Variants in CA12 observed in about 807,000 individuals in gnomAD.
CA12 encodes the protein carbonate dehydratase XII.
A neutral mutation model predicts 46.8 loss-of-function variants in CA12; 36 were observed. That is an observed-to-expected ratio of 0.77 (90% CI 0.59 to 1.02). CA12 has a LOEUF of 1.02. CA12 is among the 50% of genes least tolerant of loss of function. The probability of loss-of-function intolerance (pLI) is 0.00; values close to 1 mark genes in which losing one functional copy is unlikely to be tolerated. For missense variants in CA12, 436 were observed against 451.4 expected (o/e 0.97, Z 0.31); for synonymous variants, 202 against 187.0 (o/e 1.08, Z -0.65).
rs531371594 is a variant in CA12, at chr15:63,359,469, C to A, written c.107-12760G>T. Among the ~76,000 whole-genome samples, 8 of 152,176 alleles carry A rather than the reference C, an allele frequency of 5.3e-5. No individual in the cohort carries two copies. In the East Asian group the frequency reaches 1.5e-3, roughly 29 times the overall value. ...TTTTGCACACTTGCTTTCTCTCACA[C>A]CCTCTACTGTGTATATGTACCTTAA... On this transcript the variant is annotated intron_variant, in intron 2 of 10. Coordinates refer to ENST00000178638, the MANE Select transcript of CA12 (RefSeq NM_001218.5).
rs186287611 is a variant in CA12 at position 63,345,982 on chromosome 15, G to A, written c.287-363C>T. On this transcript the variant is annotated intron_variant, in intron 3 of 10. Coordinates refer to ENST00000178638, the MANE Select transcript of CA12 (RefSeq NM_001218.5). This position sits in a 1 kb window ranked among gnomAD's most constrained non-coding sequence, Gnocchi z 4.3. ...CAAGCTTTAGAATTATATAGCAACA[G>A]CAACGATAACTGCTATTTATGAAGC... Among the ~76,000 whole-genome samples the A allele has an allele frequency of 6.6e-6, 1 of 152,280 alleles. No homozygotes were observed. The highest frequency in any genetic ancestry group is 1.9e-4 in the East Asian group (1 of 5,188).
Position 63,381,642 on chromosome 15 carries a change from C to T in CA12, c.79G>A (p.Val27Met), listed in dbSNP as rs1363750287. 4 of 1,611,136 alleles carry T rather than the reference C, an allele frequency of 2.5e-6. No homozygotes were observed. The highest frequency in any genetic ancestry group is 2.2e-5 in the East Asian group (1 of 44,784). Residue 27 changes from valine to methionine, a missense_variant, in exon 1 of 11, where the codon GTG (valine) becomes ATG (methionine). Coordinates refer to ENST00000178638, the MANE Select transcript of CA12 (RefSeq NM_001218.5). Reference sequence around the variant, plus strand: ...AAGCAGGCGGAAACTTTACCGTTCACTGGGGCCGGGCTGGAAGGCTGTTCC... The same window carrying T: ...AAGCAGGCGGAAACTTTACCGTTCATTGGGGCCGGGCTGGAAGGCTGTTCC... Reference protein sequence around the residue: ...LKEQPSSPAPVNGSKWTYFGP... With the variant: ...LKEQPSSPAPMNGSKWTYFGP...
intron 2 of CA12, among the ~76,000 whole-genome samples, chr15:63,364,964 G>C (rs2039419914): frequency 6.6e-6 from 1 of 152,194 alleles, no homozygotes; most frequent in South Asian, 2.1e-4. Flanking sequence ...GTTTGTTTGT[G>C]TTGCGACAGG....
At position 63,341,363 on chromosome 15, in the gene CA12, C is replaced by T. The variant is rs942667526; in HGVS notation, c.526-580G>A. On this transcript the variant is annotated intron_variant, in intron 5 of 10. Transcript: ENST00000178638. The surrounding 1 kb of genome is among the most constrained non-coding windows in gnomAD (Gnocchi z 5.2). ...AGCAGCGGGCAAGCAAGCATTACAG[C>T]CTGAGCTCCGCCCCCTGTCAAATCA... is the stretch of plus-strand genomic sequence containing the variant. Among the ~76,000 whole-genome samples, 3 of 152,226 alleles carry T rather than the reference C, an allele frequency of 2.0e-5. No homozygotes were observed. The highest frequency in any genetic ancestry group is 4.4e-5 in the Non-Finnish European group (3 of 68,040).
intron 1 of CA12, among the ~76,000 whole-genome samples, chr15:63,380,051 G>A (rs1316648326): frequency 1.3e-5 from 2 of 152,212 alleles, no homozygotes; most frequent in Non-Finnish European, 1.5e-5. Context: ...TTGGGTTCAT[G>A]CTGACATTCT....
chr15:63,380,896 G>T (rs998044165), intron 1 of CA12, among the ~76,000 whole-genome samples: 12 of 152,196 alleles, frequency 7.9e-5, no homozygotes, highest in African/African-American at 2.7e-4. Flanking sequence ...CCCGGCGTGA[G>T]CCCACAGTTC....
rs983365802 is a variant in CA12, at chr15:63,343,718, T to G, written c.430-1621A>C. Among the ~76,000 whole-genome samples the G allele has an allele frequency of 3.9e-5, 6 of 152,268 alleles. No homozygotes were observed. The East Asian group carries it at 1.2e-3, about 29-fold the overall frequency. ...TGGTCCATCTTAACCAGACTCTTGG[T>G]CTGATGCTGTGACTTAATAGCAGAA... On this transcript the variant is annotated intron_variant, in intron 4 of 10. Coordinates refer to ENST00000178638, the MANE Select transcript of CA12 (RefSeq NM_001218.5).
At position 63,372,522 on chromosome 15, in the gene CA12, G is replaced by T. The variant is rs1278691182; in HGVS notation, c.106+3136C>A. 6.6e-6 allele frequency among the ~76,000 whole-genome samples: 1 copy of T among 152,208 alleles called. No homozygotes were observed. Among genetic ancestry groups the T allele is most frequent in the Non-Finnish European group, 1.5e-5 (1 of 68,040 alleles). On this transcript the variant is annotated intron_variant, in intron 2 of 10. Transcript: ENST00000178638. The surrounding 1 kb of genome is among the most constrained non-coding windows in gnomAD (Gnocchi z 4.5). ...TACCATGTGTGCCAGACAGTGGGAG[G>T]CCCCTGGAGAATGACTCAGCAGTGT...
At chr15:63,326,864 G>A (rs1334582630) in intron 10 of CA12, among the ~76,000 whole-genome samples, 1 of 152,184 alleles carries the variant, frequency 6.6e-6, no homozygotes, top group African/African-American at 2.4e-5. Context: ...TCAGGCACAA[G>A]CCCCAAGTCA....
In CA12 at chr15:63,341,876, C is replaced by G. The variant is rs2039083191; in HGVS notation, c.525+126G>C. The G allele has an allele frequency of 1.4e-6, 1 of 728,876 alleles. No homozygotes were observed. The highest frequency in any genetic ancestry group is 2.7e-5 in the East Asian group (1 of 36,792). The allele number at this position is 728,876 out of a possible 1,614,324, so 45.2% of individuals were successfully genotyped here. A position where few individuals can be genotyped will look rare whatever the true frequency, so the allele number is the denominator to read the frequency against. On this transcript the variant is annotated intron_variant, in intron 5 of 10. Coordinates refer to ENST00000178638, the MANE Select transcript of CA12 (RefSeq NM_001218.5). This position sits in a 1 kb window ranked among gnomAD's most constrained non-coding sequence, Gnocchi z 5.2. ...GCACTACAGGAGGATACCCCCTGCT[C>G]TGGAGTTGACACGGAGTCGATACAG... is the stretch of plus-strand genomic sequence containing the variant.
intron 2 of CA12, among the ~76,000 whole-genome samples, chr15:63,368,664 C>T (rs897219559): frequency 4.6e-5 from 7 of 152,208 alleles, no homozygotes; most frequent in Admixed American, 2.0e-4. Context: ...CCTGAATGCC[C>T]GGGGCTCAAG....
rs192752148 is a variant in CA12, at chr15:63,362,275, G to A, written c.106+13383C>T. 2.9e-3 allele frequency among the ~76,000 whole-genome samples: 449 copies of A among 152,336 alleles called. 4 individuals are homozygous for A. Among genetic ancestry groups the A allele is most frequent in the Non-Finnish European group, 4.4e-3 (302 of 68,038 alleles). ...TAATTACTGCAATCTGAATAACAAT[G>A]CTATGATATAGACACTGTGTTCCTT... On this transcript the variant is annotated intron_variant, in intron 2 of 10. Coordinates refer to ENST00000178638, the MANE Select transcript of CA12 (RefSeq NM_001218.5).
Position 63,324,778 on chromosome 15 carries a change from T to C in CA12, c.*1507A>G, listed in dbSNP as rs1035190593. 5 of 147,614 alleles carry C rather than the reference T, an allele frequency of 3.4e-5. No homozygotes were observed. The highest frequency in any genetic ancestry group is 1.3e-4 in the African/African-American group (5 of 39,598). 9.1% of individuals were successfully genotyped at this position (147,614 alleles called of 1,614,324 possible). On this transcript the variant is annotated 3_prime_UTR_variant, in exon 11 of 11. Transcript: ENST00000178638. ...ACCTTGGCTTACTGCAACCTCCGCC[T>C]CCTGGGTTCAAGCGATTCCAGAAGA...
rs763354873 is a variant in CA12 at position 63,338,824 on chromosome 15, G to A, written c.869C>T (p.Ser290Phe). Residue 290 changes from serine to phenylalanine, a missense_variant, in exon 8 of 11, where the codon TCC becomes TTC. Physicochemically the swap from Ser to Phe is radical, Grantham distance 155. Transcript: ENST00000178638. Reference sequence around the variant, plus strand: ...CCAGCACTGCCTCTCCTCACCTTGGGAGAAGGAGGTGTATACCAGCCTCTC... The same window carrying A: ...CCAGCACTGCCTCTCCTCACCTTGGAAGAAGGAGGTGTATACCAGCCTCTC... The part of the protein sequence containing the change: ...FDERLVYTSF[S>F]QVQVCTAAGL... The A allele has an allele frequency of 6.2e-7, 1 of 1,614,106 alleles. No individual in the cohort carries two copies. The highest frequency in any genetic ancestry group is 1.7e-5 in the Admixed American group (1 of 60,018).
rs142573827 is a variant in CA12, at chr15:63,345,951, A to G, written c.287-332T>C. On this transcript the variant is annotated intron_variant, in intron 3 of 10. Transcript: ENST00000178638. This position sits in a 1 kb window ranked among gnomAD's most constrained non-coding sequence, Gnocchi z 4.3. ...ATGGATCAGACACCTTTAGTGAAGTACCTTCCAAGCTTTAGAATTATATAG... is the reference window on the plus strand; with the variant it reads ...ATGGATCAGACACCTTTAGTGAAGTGCCTTCCAAGCTTTAGAATTATATAG... 1.1e-4 allele frequency among the ~76,000 whole-genome samples: 17 copies of G among 152,238 alleles called. No homozygotes were observed. The highest frequency in any genetic ancestry group is 5.9e-5 in the Non-Finnish European group (4 of 68,036).
intron 10 of CA12, among the ~76,000 whole-genome samples, 197 bp from the exon 11 acceptor site, chr15:63,326,554 A>T: frequency 6.6e-6 from 1 of 152,180 alleles, no homozygotes; most frequent in South Asian, 2.1e-4. Context: ...TCGTTTTCCA[A>T]CTGTTCTCTT....
rs1420077407 is a variant in CA12 at position 63,340,901 on chromosome 15, C to A, written c.526-118G>T. 3.7e-6 allele frequency: 3 copies of A among 808,642 alleles called. No individual in the cohort carries two copies. In the East Asian group the frequency reaches 7.7e-5, roughly 21 times the overall value. 50.1% of individuals were successfully genotyped at this position (808,642 alleles called of 1,614,324 possible). On this transcript the variant is annotated intron_variant, in intron 5 of 10. Transcript: ENST00000178638. This position sits in a 1 kb window ranked among gnomAD's most constrained non-coding sequence, Gnocchi z 4.4. ...ATGTTGCCACCACTGCCTGAAGGATCCACTTTACTGGACAATTATGATGGA... is the reference window on the plus strand; with the variant it reads ...ATGTTGCCACCACTGCCTGAAGGATACACTTTACTGGACAATTATGATGGA...
At position 63,341,768 on chromosome 15, in the gene CA12, C is replaced by T. The variant is rs1006632556; in HGVS notation, c.525+234G>A. Among the ~76,000 whole-genome samples the T allele has an allele frequency of 6.6e-6, 1 of 152,206 alleles. No individual in the cohort carries two copies. The highest frequency in any genetic ancestry group is 1.5e-5 in the Non-Finnish European group (1 of 68,034). ...TGCAACAGGGCTAGATGTTGGGGCC[C>T]GTTTTTCCAACGGACCAAAGAACAT... On this transcript the variant is annotated intron_variant, in intron 5 of 10. Coordinates refer to ENST00000178638, the MANE Select transcript of CA12 (RefSeq NM_001218.5). This position sits in a 1 kb window ranked among gnomAD's most constrained non-coding sequence, Gnocchi z 5.2.
At chr15:63,364,879 C>T (rs1206384160) in intron 2 of CA12, among the ~76,000 whole-genome samples, 2 of 152,254 alleles carry the variant, frequency 1.3e-5, no homozygotes, top group African/African-American at 4.8e-5. Context: ...GCACCTCTTT[C>T]AGCCCTGTGC....
Sources: gnomAD v4.1 joint callset for allele counts (sites outside exome capture counted in the v4.1 genomes callset) on GRCh38, gnomAD v4.1.1 for gene constraint, Gnocchi (gnomAD v3.1) non-coding constraint, MANE v1.5 for transcripts, NCBI Gene and HGNC (gene_info 2026-07-23, HGNC 2026-07-21) for gene names.